The following MAP1LC3B2 variants were observed in gnomAD, a reference collection of about 807,000 sequenced individuals.
MAP1LC3B2 encodes microtubule associated protein 1 light chain 3 beta 2, also known as microtubule-associated protein 1 light chain 3 beta 2.
For synonymous variants in MAP1LC3B2, 62 were observed against 57.8 expected, an observed-to-expected ratio of 1.07 and a Z score of -0.33; for missense variants, 155 against 154.6, an observed-to-expected ratio of 1.00 and a Z score of -0.01.
At chr12:116,574,638 C>A (rs545630338) in intron 1 of MAP1LC3B2, among the ~76,000 whole-genome samples, 2 of 140,382 alleles carry the variant, frequency 1.4e-5, no homozygotes, top group East Asian at 4.1e-4. Context: ...AGAGCGAGAC[C>A]CTGTCTCAAA....
chr12:116,575,476 A>G (rs936258789), intron 1 of MAP1LC3B2, among the ~76,000 whole-genome samples: 17 of 152,218 alleles, frequency 1.1e-4, no homozygotes, highest in Admixed American at 2.6e-4. Context: ...ATTAGGGGTA[A>G]AAATTCAAAG....
At chr12:116,569,296 G>T (rs1460917546) in intron 1 of MAP1LC3B2, among the ~76,000 whole-genome samples, 1 of 152,062 alleles carries the variant, frequency 6.6e-6, no homozygotes, top group Non-Finnish European at 1.5e-5. Context: ...ATGCTGAAGA[G>T]ACCTAAACAG....
intron 1 of MAP1LC3B2, among the ~76,000 whole-genome samples, chr12:116,567,495 C>T (rs1218084594): frequency 2.8e-5 from 4 of 140,972 alleles, no homozygotes; most frequent in Non-Finnish European, 4.5e-5. Flanking sequence ...CGCCTGTAGT[C>T]CCAGTACTTT....
intron 1 of MAP1LC3B2, among the ~76,000 whole-genome samples, chr12:116,567,908 G>A (rs1869433121): frequency 6.6e-6 from 1 of 152,132 alleles, no homozygotes; most frequent in Non-Finnish European, 1.5e-5. Flanking sequence ...ACCTTCTGGG[G>A]AAGTGTCTGG....
At chr12:116,572,962 G>A (rs114697808) in intron 1 of MAP1LC3B2, among the ~76,000 whole-genome samples, 2 of 152,060 alleles carry the variant, frequency 1.3e-5, no homozygotes, top group African/African-American at 2.4e-5. Context: ...CTGGAGTCTG[G>A]TTCTGTCTCC....
intron 1 of MAP1LC3B2, among the ~76,000 whole-genome samples, chr12:116,569,943 A>G (rs1225699141): frequency 6.6e-6 from 1 of 152,116 alleles, no homozygotes; most frequent in African/African-American, 2.4e-5. Context: ...AGTCCCAGCT[A>G]CTTGGGAGGC....
At chr12:116,563,022 C>T (rs896332277) in intron 1 of MAP1LC3B2, among the ~76,000 whole-genome samples, 26 of 152,206 alleles carry the variant, frequency 1.7e-4, no homozygotes, top group African/African-American at 4.3e-4. Flanking sequence ...AGTGCAATGG[C>T]GCGATCTCGG....
chr12:116,575,731 A>G, intron 1 of MAP1LC3B2, 111 bp from the exon 2 acceptor site: 1 of 621,954 alleles, frequency 1.6e-6, no homozygotes, highest in Non-Finnish European at 2.8e-6. Flanking sequence ...AACAGGTGTC[A>G]GCAGATGTTT....
chr12:116,565,678 GA>G (rs1869368461), intron 1 of MAP1LC3B2, among the ~76,000 whole-genome samples: 2 of 152,202 alleles, frequency 1.3e-5, no homozygotes, highest in South Asian at 4.1e-4. Flanking sequence ...TCTGGGAGGA[GA>G]TATATGGTCT....
intron 1 of MAP1LC3B2, among the ~76,000 whole-genome samples, chr12:116,573,917 G>A (rs563541779): frequency 3.3e-5 from 5 of 152,296 alleles, no homozygotes; most frequent in South Asian, 2.1e-4. Context: ...AATGGCCAAC[G>A]AGCATATGAA....
At chr12:116,575,799 T>C in intron 1 of MAP1LC3B2, 43 bp from the exon 2 acceptor site, 1 of 871,492 alleles carries the variant, frequency 1.1e-6, no homozygotes, top group African/African-American at 1.7e-5. Context: ...ATATACAGTT[T>C]CTGCCACAAC....
At chr12:116,564,507 T>C (rs1440315059) in intron 1 of MAP1LC3B2, among the ~76,000 whole-genome samples, 2 of 152,328 alleles carry the variant, frequency 1.3e-5, no homozygotes, top group East Asian at 3.9e-4. Context: ...TGGTCTCTAA[T>C]GAATGCCTTG....
At chr12:116,572,922 A>AT (rs1869574774) in intron 1 of MAP1LC3B2, among the ~76,000 whole-genome samples, 2 of 151,714 alleles carry the variant, frequency 1.3e-5, no homozygotes, top group South Asian at 2.1e-4. Flanking sequence ...ATTGTGGCGG[A>AT]TTTTTTTTGT....
chr12:116,567,239 T>G (rs1165060232), intron 1 of MAP1LC3B2, among the ~76,000 whole-genome samples: 2 of 152,072 alleles, frequency 1.3e-5, no homozygotes, highest in Non-Finnish European at 2.9e-5. Context: ...CATGGCTAAC[T>G]CCTTTCTCCA....
intron 1 of MAP1LC3B2, among the ~76,000 whole-genome samples, chr12:116,565,600 G>A (rs1296132035): frequency 6.6e-6 from 1 of 152,190 alleles, no homozygotes; most frequent in African/African-American, 2.4e-5. Flanking sequence ...CTAAGAAACA[G>A]TCTCTTCAGG....
At chr12:116,562,103 G>A (rs1445944937) in intron 1 of MAP1LC3B2, among the ~76,000 whole-genome samples, 2 of 152,246 alleles carry the variant, frequency 1.3e-5, no homozygotes, top group South Asian at 2.1e-4. Flanking sequence ...AAACTCGTAG[G>A]GAAAAGAAAT....
intron 1 of MAP1LC3B2, chr12:116,560,226 A>ATGTATGTATATG (rs1566022595): frequency 1.5e-4 from 15 of 101,072 alleles, no homozygotes; most frequent in African/African-American, 5.6e-4. Flanking sequence ...ATATATATAT[A>ATGTATGTATATG]TATATATATA....
intron 1 of MAP1LC3B2, among the ~76,000 whole-genome samples, chr12:116,566,114 G>C (rs1199303878): frequency 6.6e-6 from 1 of 152,134 alleles, no homozygotes; most frequent in Non-Finnish European, 1.5e-5. Flanking sequence ...ATAGCTCATC[G>C]AGAACAGAGA....
intron 1 of MAP1LC3B2, among the ~76,000 whole-genome samples, chr12:116,560,685 A>G (rs1869248748): frequency 6.6e-6 from 1 of 152,126 alleles, no homozygotes; most frequent in South Asian, 2.1e-4. Context: ...TGCAGGTGTA[A>G]ATTAATTTTA....
Sources: allele counts gnomAD v4.1 joint callset (sites outside exome capture counted in the v4.1 genomes callset), GRCh38; gene constraint gnomAD v4.1.1; transcripts MANE v1.5; gene names NCBI Gene and HGNC (gene_info 2026-07-23, HGNC 2026-07-21).